GLI3: variants seen among roughly 807,000 people sequenced by gnomAD.
GLI3 encodes transcription activator GLI3.
In GLI3, 20 loss-of-function variants were observed where a neutral mutation model predicts 100.8. That is an observed-to-expected ratio of 0.20 (90% confidence interval 0.14 to 0.29). The LOEUF is 0.29. Among genes scored for constraint, GLI3 ranks in the 10% least tolerant of loss-of-function variants. The pLI is 1.00. For missense variants in GLI3, 2,040 were observed against 2,128.5 expected (o/e 0.96, Z 0.82); for synonymous variants, 938 against 860.5 (o/e 1.09, Z -1.58).
intron 4 of GLI3, among the ~76,000 whole-genome samples, chr7:42,062,712 G>GACACAC (rs10523955): frequency 0.028 from 4,221 of 149,702 alleles, 170 homozygotes; most frequent in African/African-American, 0.092. Flanking sequence ...CACACACACA[G>GACACAC]ACACACACAC....
chr7:42,151,609 A>G (rs183997391), intron 2 of GLI3: 1 of 152,340 alleles, frequency 6.6e-6, no homozygotes, highest in Admixed American at 6.5e-5. Flanking sequence ...TAACAGCCAA[A>G]CACAAGGCAA....
chr7:42,166,686 G>T (rs1479580304), intron 2 of GLI3, among the ~76,000 whole-genome samples: 2 of 130,422 alleles, frequency 1.5e-5, no homozygotes, highest in Admixed American at 8.2e-5. Context: ...TTGAGACAGG[G>T]TCTCACTCTG....
intron 3 of GLI3, among the ~76,000 whole-genome samples, chr7:42,130,191 T>C (rs930472761): frequency 1.3e-5 from 2 of 152,128 alleles, no homozygotes; most frequent in Non-Finnish European, 2.9e-5. Context: ...AGCTCCACCC[T>C]ATTTCCCTAA....
chr7:42,113,253 G>C (rs1297779894), intron 3 of GLI3: 1 of 500,178 alleles, frequency 2.0e-6, no homozygotes, highest in South Asian at 1.6e-5. Context: ...AAATACAGAA[G>C]TACGGAGCAG....
chr7:41,997,781 C>T (rs779638819), intron 10 of GLI3, among the ~76,000 whole-genome samples: 3 of 152,308 alleles, frequency 2.0e-5, no homozygotes, highest in South Asian at 2.1e-4. Flanking sequence ...GACTTCCACA[C>T]GCAGGTGCTC....
At chr7:42,256,120 T>A (rs1348919462) in intron 1 of GLI3, among the ~76,000 whole-genome samples, 1 of 152,204 alleles carries the variant, frequency 6.6e-6, no homozygotes, top group African/African-American at 2.4e-5. Context: ...TGAAATTTCT[T>A]TTAAAATATT....
intron 1 of GLI3, among the ~76,000 whole-genome samples, chr7:42,232,030 A>C (rs1405331149): frequency 6.6e-6 from 1 of 151,276 alleles, no homozygotes; most frequent in East Asian, 1.9e-4. Flanking sequence ...CCATTACTTA[A>C]TTAATTTAAT....
intron 4 of GLI3, among the ~76,000 whole-genome samples, chr7:42,071,113 A>C (rs530168481): frequency 1.9e-3 from 288 of 152,322 alleles, no homozygotes; most frequent in Non-Finnish European, 3.6e-3. Context: ...GAGCTACCAT[A>C]TGTAGAGCAT....
chr7:42,221,706 T>C (rs551262779), intron 2 of GLI3, among the ~76,000 whole-genome samples: 51 of 152,352 alleles, frequency 3.3e-4, no homozygotes, highest in African/African-American at 1.2e-3. Context: ...CTGATTCTAT[T>C]TCTGAAATAA....
chr7:42,255,738 T>C (rs968987721), intron 1 of GLI3, among the ~76,000 whole-genome samples: 3 of 152,182 alleles, frequency 2.0e-5, no homozygotes, highest in Non-Finnish European at 4.4e-5. Context: ...TTGTTTTCAG[T>C]TTTTGGTGAT....
chr7:42,088,090 T>A (rs1236980159), intron 3 of GLI3, among the ~76,000 whole-genome samples: 1 of 152,194 alleles, frequency 6.6e-6, no homozygotes, highest in African/African-American at 2.4e-5. Flanking sequence ...GGAGTACAAG[T>A]AGAAAACATT....
chr7:42,188,629 T>C (rs923162496), intron 2 of GLI3, among the ~76,000 whole-genome samples: 1 of 152,042 alleles, frequency 6.6e-6, no homozygotes, highest in Non-Finnish European at 1.5e-5. Flanking sequence ...CGGTAATAAA[T>C]AAATACATCC....
At chr7:41,994,579 TG>T (rs1424294463) in intron 10 of GLI3, among the ~76,000 whole-genome samples, 1 of 152,216 alleles carries the variant, frequency 6.6e-6, no homozygotes, top group Non-Finnish European at 1.5e-5. Context: ...GCCTGCCTTG[TG>T]CTAAGCACCA....
intron 2 of GLI3, among the ~76,000 whole-genome samples, chr7:42,162,067 C>G (rs1787141794): frequency 6.6e-6 from 1 of 152,150 alleles, no homozygotes; most frequent in Non-Finnish European, 1.5e-5. Context: ...GCCCACATTA[C>G]TGATTTTTCT....
intron 4 of GLI3, among the ~76,000 whole-genome samples, chr7:42,056,730 C>G (rs1191647718): frequency 6.6e-6 from 1 of 151,742 alleles, no homozygotes; most frequent in African/African-American, 2.4e-5. Context: ...TCGGGTGGAT[C>G]ACCTGAGGTG....
At chr7:42,196,024 A>T (rs565581013) in intron 2 of GLI3, among the ~76,000 whole-genome samples, 2 of 152,340 alleles carry the variant, frequency 1.3e-5, no homozygotes, top group East Asian at 3.9e-4. Flanking sequence ...TAAGGTAAAC[A>T]ACGTTAAACA....
chr7:42,027,959 A>T (rs1789169326), intron 7 of GLI3, among the ~76,000 whole-genome samples: 1 of 152,228 alleles, frequency 6.6e-6, no homozygotes, highest in Non-Finnish European at 1.5e-5. Context: ...AGCTGTGTGG[A>T]TGATTGATAG....
chr7:42,093,269 G>C lies in GLI3; in HGVS notation c.368-16412C>G, dbSNP rs940154790. Among the ~76,000 whole-genome samples the C allele has an allele frequency of 2.3e-3, 345 of 151,616 alleles. 8 individuals carry two copies. Among genetic ancestry groups the C allele is most frequent in the Admixed American group, 0.022 (342 of 15,244 alleles). On this transcript the variant is annotated intron_variant, in intron 3 of 14. Coordinates refer to ENST00000395925, the MANE Select transcript of GLI3 (RefSeq NM_000168.6). ...TGGCACATGCCTGTAATCCCAGCTA[G>C]TCGGGAGGCTGAGGCAGGAGAATCA...
intron 1 of GLI3, among the ~76,000 whole-genome samples, chr7:42,261,131 A>G (rs1162983863): frequency 6.6e-6 from 1 of 152,150 alleles, no homozygotes; most frequent in African/African-American, 2.4e-5. Flanking sequence ...GGAAGCTGAC[A>G]ATCATGGCAG....
Sources: gnomAD v4.1 joint callset for allele counts (sites outside exome capture counted in the v4.1 genomes callset) on GRCh38, gnomAD v4.1.1 for gene constraint, MANE v1.5 for transcripts, NCBI Gene and HGNC (gene_info 2026-07-23, HGNC 2026-07-21) for gene names.